C12orf54: variants seen among roughly 807,000 people sequenced by gnomAD.
C12orf54 encodes uncharacterized protein C12orf54.
Under a neutral mutation model 26.4 loss-of-function variants are expected in C12orf54, and 24 were observed. The ratio of observed to expected loss-of-function variants is 0.91; its 90% CI spans 0.66 to 1.28. C12orf54 has a LOEUF of 1.28. Among genes scored for constraint, C12orf54 ranks in the 50% most tolerant of loss-of-function variants. The pLI is 0.00. For synonymous variants in C12orf54, 54 were observed against 47.0 expected (o/e 1.15, Z -0.61); for missense variants, 154 against 150.9 (o/e 1.02, Z -0.11).
chr12:48,426,455 A>T, the C12orf54 span, among the ~76,000 whole-genome samples: 1 of 151,986 alleles, frequency 6.6e-6, no homozygotes, highest in East Asian at 1.9e-4. Context: ...CTGTTTTTTA[A>T]TAACAGTACC....
chr12:48,439,142 A>G, the C12orf54 span, among the ~76,000 whole-genome samples: 1 of 152,226 alleles, frequency 6.6e-6, no homozygotes, highest in Admixed American at 6.5e-5. Context: ...AAAACACATG[A>G]AAAAATGCTC....
chr12:48,469,110 G>C, the C12orf54 span, among the ~76,000 whole-genome samples: 1 of 152,204 alleles, frequency 6.6e-6, no homozygotes, highest in African/African-American at 2.4e-5. Context: ...TTCATGTCCT[G>C]CTGAGCTCAC....
At chr12:48,492,889 C>G (rs1229078439) in intron 6 of C12orf54, 58 bp from the exon 7 acceptor site, 1 of 1,478,668 alleles carries the variant, frequency 6.8e-7, no homozygotes, top group East Asian at 2.3e-5. Flanking sequence ...AGCTGGGCAG[C>G]TGGGGAGACA....
At chr12:48,444,131 G>A in the C12orf54 span, among the ~76,000 whole-genome samples, 1 of 152,216 alleles carries the variant, frequency 6.6e-6, no homozygotes, top group African/African-American at 2.4e-5. Context: ...ATTCCTAAAA[G>A]AGGAAAATAA....
chr12:48,446,442 T>C, the C12orf54 span, among the ~76,000 whole-genome samples: 1 of 152,192 alleles, frequency 6.6e-6, no homozygotes, highest in African/African-American at 2.4e-5. Context: ...CCTGTTAATA[T>C]AGTACTAAGA....
chr12:48,473,243 T>G, the C12orf54 span: 3 of 1,123,130 alleles, frequency 2.7e-6, no homozygotes, highest in Non-Finnish European at 2.7e-6. Flanking sequence ...AGGACGAGGA[T>G]GAGGAGGAGG....
At chr12:48,466,769 T>C in the C12orf54 span, among the ~76,000 whole-genome samples, 2 of 152,210 alleles carry the variant, frequency 1.3e-5, no homozygotes, top group South Asian at 4.1e-4. Context: ...GAAAACAGTT[T>C]GACAGTATAT....
intron 5 of C12orf54, among the ~76,000 whole-genome samples, chr12:48,490,575 C>G (rs1027152038): frequency 5.9e-5 from 9 of 152,186 alleles, no homozygotes; most frequent in African/African-American, 2.2e-4. Context: ...ATTGCTTGAA[C>G]TTGGGAGGTG....
At chr12:48,420,319 G>A in the C12orf54 span, among the ~76,000 whole-genome samples, 1 of 152,148 alleles carries the variant, frequency 6.6e-6, no homozygotes, top group Non-Finnish European at 1.5e-5. Context: ...ATGTATGGAT[G>A]TATTGACCAA....
At chr12:48,472,630 C>T in the C12orf54 span, 12 of 1,611,474 alleles carry the variant, frequency 7.4e-6, no homozygotes, top group Admixed American at 6.7e-5. Flanking sequence ...TTGAATTCCG[C>T]TGGCTCAGGA....
chr12:48,428,485 A>G, the C12orf54 span, among the ~76,000 whole-genome samples: 1 of 152,112 alleles, frequency 6.6e-6, no homozygotes, highest in South Asian at 2.1e-4. Context: ...GAAAAGGAAG[A>G]TATTACAACT....
chr12:48,494,782 C>A lies in C12orf54; in HGVS notation c.243-16C>A, dbSNP rs756735400. On this transcript the variant is annotated splice_polypyrimidine_tract_variant and intron_variant, in intron 7 of 8. Coordinates refer to ENST00000548364, the MANE Select transcript of C12orf54 (RefSeq NM_152319.4). ...CTCTTTCCCTCATGTCTACAACTTT[C>A]TCTATTTTGGCACAGAAGCATAAGG... 6.2e-7 allele frequency: 1 copy of A among 1,612,202 alleles called. No homozygotes were observed. Among genetic ancestry groups the A allele is most frequent in the Non-Finnish European group, 8.5e-7 (1 of 1,178,358 alleles).
At chr12:48,433,225 C>A in the C12orf54 span, among the ~76,000 whole-genome samples, 1 of 152,278 alleles carries the variant, frequency 6.6e-6, no homozygotes, top group African/African-American at 2.4e-5. Flanking sequence ...TGCATAACCA[C>A]CACCTTGCTC....
chr12:48,467,426 ACAC>A, the C12orf54 span, among the ~76,000 whole-genome samples: 2 of 152,294 alleles, frequency 1.3e-5, no homozygotes, highest in East Asian at 3.9e-4. Flanking sequence ...TGAAATGAAT[ACAC>A]CACATGATGG....
In C12orf54 at chr12:48,483,239, G is replaced by T; in HGVS notation, c.-57-1G>T. 2.0e-6 allele frequency: 3 copies of T among 1,511,440 alleles called. No homozygotes were observed. Among genetic ancestry groups the T allele is most frequent in the Non-Finnish European group, 2.8e-6 (3 of 1,089,196 alleles). The allele number at this position is 1,511,440 out of a possible 1,614,324, so 93.6% of individuals were successfully genotyped here. ...CCGCATATTCATTTATGCCTCTCCA[G>T]GGCCTGGAGCTATCTCCATCTTCAG... On this transcript the variant is annotated splice_acceptor_variant, in intron 1 of 8. Transcript: ENST00000548364. LOFTEE classifies it low-confidence loss of function (5UTR_SPLICE).
At chr12:48,473,028 A>T in the C12orf54 span, 6 of 1,614,154 alleles carry the variant, frequency 3.7e-6, no homozygotes, top group Non-Finnish European at 4.2e-6. Flanking sequence ...AGACCTTTTC[A>T]CTTGCGAGGT....
the C12orf54 span, among the ~76,000 whole-genome samples, chr12:48,464,008 C>A: frequency 6.6e-6 from 1 of 151,830 alleles, no homozygotes; most frequent in Non-Finnish European, 1.5e-5. Flanking sequence ...AAGCATTCCC[C>A]TTGAAAACAG....
At chr12:48,481,070 A>AG (rs5798072), upstream of C12orf54, among the ~76,000 whole-genome samples, 134,269 of 152,030 alleles carry the variant, frequency 0.88, 59,340 homozygotes, top group East Asian at 0.97. Context: ...GAGGGGGCAA[A>AG]GATGAAAAGC....
chr12:48,493,844 C>A (rs1937848336), intron 7 of C12orf54, among the ~76,000 whole-genome samples: 1 of 151,430 alleles, frequency 6.6e-6, no homozygotes, highest in Admixed American at 6.6e-5. Context: ...TTCAATAGTG[C>A]AACTGAGAAA....
Sources: gnomAD v4.1 joint callset for allele counts (sites outside exome capture counted in the v4.1 genomes callset) on GRCh38, gnomAD v4.1.1 for gene constraint, MANE v1.5 for transcripts, NCBI Gene and HGNC (gene_info 2026-07-23, HGNC 2026-07-21) for gene names.